SDK1: variants seen among roughly 807,000 people sequenced by gnomAD.
SDK1 encodes sidekick cell adhesion molecule 1.
In SDK1, 157 loss-of-function variants were observed where a neutral mutation model predicts 245.5. That is an observed-to-expected ratio of 0.64 (90% CI 0.56 to 0.73). The LOEUF (loss-of-function observed/expected upper bound fraction) is 0.73. SDK1 is among the 30% of genes least tolerant of loss of function. The pLI is 0.00. For synonymous variants in SDK1, 1,647 were observed against 1,278.5 expected (o/e 1.29, Z -6.15); for missense variants, 3,583 against 3,002.3 (o/e 1.19, Z -4.52).
chr7:3,577,956 C>T (rs1780347791), intron 1 of SDK1, among the ~76,000 whole-genome samples: 1 of 151,998 alleles, frequency 6.6e-6, no homozygotes, highest in African/African-American at 2.4e-5. Flanking sequence ...TTAGAAGGAG[C>T]AAGAGCTGAG....
chr7:3,850,143 A>G (rs953198674), intron 5 of SDK1, among the ~76,000 whole-genome samples: 3 of 152,150 alleles, frequency 2.0e-5, no homozygotes, highest in Non-Finnish European at 2.9e-5. Flanking sequence ...AATGAAGAGC[A>G]CCTGCCCTGG....
chr7:4,227,727 C>T (rs548039164), intron 40 of SDK1, among the ~76,000 whole-genome samples: 1 of 152,344 alleles, frequency 6.6e-6, no homozygotes, highest in South Asian at 2.1e-4. Context: ...CTAATACCTG[C>T]AGCACGCAGC....
intron 4 of SDK1, among the ~76,000 whole-genome samples, chr7:3,684,533 A>T (rs1016806185): frequency 2.0e-5 from 3 of 152,200 alleles, no homozygotes; most frequent in African/African-American, 2.4e-5. Flanking sequence ...CTAAAAAGAG[A>T]TGCATAGGAT....
At chr7:3,669,446 A>C (rs1299597666) in intron 4 of SDK1, among the ~76,000 whole-genome samples, 2 of 151,882 alleles carry the variant, frequency 1.3e-5, no homozygotes, top group Non-Finnish European at 2.9e-5. Context: ...TTGAGTTCTT[A>C]CTCTCCTTGA....
At chr7:4,250,633 C>T (rs1787234497) in intron 44 of SDK1, among the ~76,000 whole-genome samples, 1 of 152,208 alleles carries the variant, frequency 6.6e-6, no homozygotes, top group African/African-American at 2.4e-5. Flanking sequence ...GCATGAGCCA[C>T]TGTGCCCGGC....
In SDK1 at chr7:3,966,500, C is replaced by T. The variant is rs78811031; in HGVS notation, c.1430-818C>T. 4.5e-3 allele frequency among the ~76,000 whole-genome samples: 680 copies of T among 152,116 alleles called. 5 individuals carry two copies. Among genetic ancestry groups the T allele is most frequent in the African/African-American group, 0.016 (646 of 41,490 alleles). Reference sequence around the variant, plus strand: ...TTCCTCGGTCTGACTCAGGGCTGCTCGGGGCCGTGACCATCCCCCATGAAC... The same window carrying T: ...TTCCTCGGTCTGACTCAGGGCTGCTTGGGGCCGTGACCATCCCCCATGAAC... On this transcript the variant is annotated intron_variant, in intron 9 of 44. Transcript: ENST00000404826.
At position 4,227,082 on chromosome 7, in the gene SDK1, C is replaced by G. The variant is rs910953449; in HGVS notation, c.5827+5718C>G. 2.6e-5 allele frequency: 7 copies of G among 271,102 alleles called. No homozygotes were observed. The Admixed American group carries it at 3.5e-4, about 14-fold the overall frequency. The allele number at this position is 271,102 out of a possible 1,614,324, so 16.8% of individuals were successfully genotyped here. The stretch of plus-strand genomic sequence containing the variant: ...TAGTCCCCTGGGGGCTTTCCAGTTC[C>G]CTCCCCATTGATTTTGTTCAATTTC... On this transcript the variant is annotated intron_variant, in intron 40 of 44. Transcript: ENST00000404826.
chr7:3,364,511 C>G (rs1781035158), intron 1 of SDK1, among the ~76,000 whole-genome samples: 1 of 152,148 alleles, frequency 6.6e-6, no homozygotes, highest in African/African-American at 2.4e-5. Flanking sequence ...TATGCAATTG[C>G]TCCTGCACCA....
intron 1 of SDK1, among the ~76,000 whole-genome samples, chr7:3,557,471 G>A (rs570596608): frequency 2.6e-5 from 4 of 152,320 alleles, no homozygotes; most frequent in African/African-American, 7.2e-5. Context: ...AAGACCAGGG[G>A]TCCTGATGGC....
chr7:4,172,698 G>T (rs560145981), intron 32 of SDK1, among the ~76,000 whole-genome samples: 3 of 152,154 alleles, frequency 2.0e-5, no homozygotes, highest in Non-Finnish European at 4.4e-5. Context: ...GTGTCGGCAG[G>T]GTCCTGCTGC....
intron 17 of SDK1, among the ~76,000 whole-genome samples, chr7:4,020,896 A>T (rs1383823953): frequency 6.6e-6 from 1 of 152,212 alleles, no homozygotes; most frequent in Non-Finnish European, 1.5e-5. Flanking sequence ...TACGTGTGAA[A>T]AGGCTTTCAA....
At chr7:4,203,398 C>T (rs1311745964) in intron 35 of SDK1, among the ~76,000 whole-genome samples, 2 of 152,294 alleles carry the variant, frequency 1.3e-5, no homozygotes, top group East Asian at 3.9e-4. Context: ...GTAGCCTTAG[C>T]GTGAGACCCC....
At chr7:3,346,365 T>C (rs1385654298) in intron 1 of SDK1, among the ~76,000 whole-genome samples, 1 of 152,158 alleles carries the variant, frequency 6.6e-6, no homozygotes, top group Non-Finnish European at 1.5e-5. Context: ...GCTGTTCATC[T>C]AGCTTCACTT....
chr7:4,140,694 T>C (rs1779526832), intron 28 of SDK1, among the ~76,000 whole-genome samples: 1 of 152,206 alleles, frequency 6.6e-6, no homozygotes, highest in East Asian at 1.9e-4. Flanking sequence ...TGCCTGCAAA[T>C]GTGAAATGGA....
At chr7:3,864,497 TC>T (rs1410718784) in intron 5 of SDK1, among the ~76,000 whole-genome samples, 2 of 152,182 alleles carry the variant, frequency 1.3e-5, no homozygotes, top group African/African-American at 4.8e-5. Flanking sequence ...TAAAATATTG[TC>T]TTTATAACTA....
chr7:3,312,108 T>C (rs1779564505), intron 1 of SDK1, among the ~76,000 whole-genome samples: 1 of 152,036 alleles, frequency 6.6e-6, no homozygotes, highest in African/African-American at 2.4e-5. Flanking sequence ...TCATTAGGAA[T>C]AAAAAAGGGA....
intron 1 of SDK1, among the ~76,000 whole-genome samples, chr7:3,504,455 A>G (rs1447492844): frequency 6.6e-6 from 1 of 152,110 alleles, no homozygotes; most frequent in East Asian, 1.9e-4. Flanking sequence ...GTACTGGCAT[A>G]AAGAAAGACA....
At chr7:3,817,310 T>TA (rs1157473158) in intron 4 of SDK1, among the ~76,000 whole-genome samples, 1 of 152,192 alleles carries the variant, frequency 6.6e-6, no homozygotes, top group East Asian at 1.9e-4. Context: ...TGTTACTTCT[T>TA]ACAGCTTGTA....
intron 1 of SDK1, among the ~76,000 whole-genome samples, chr7:3,399,140 A>G (rs181836028): frequency 5.0e-4 from 75 of 149,014 alleles, no homozygotes; most frequent in Admixed American, 1.1e-3. Context: ...GATTCTTTTC[A>G]TTTTTTTTTC....
Sources: allele counts gnomAD v4.1 joint callset (sites outside exome capture counted in the v4.1 genomes callset), GRCh38; gene constraint gnomAD v4.1.1; transcripts MANE v1.5; gene names NCBI Gene and HGNC (gene_info 2026-07-23, HGNC 2026-07-21).